Variants in MAGI2 observed in about 807,000 individuals in gnomAD.
The protein encoded by MAGI2 is membrane-associated guanylate kinase, WW and PDZ domain-containing protein 2.
A neutral mutation model predicts 133.3 loss-of-function variants in MAGI2; 35 were observed. The ratio of observed to expected loss-of-function variants is 0.26; its 90% confidence interval spans 0.20 to 0.35. MAGI2 has a LOEUF of 0.35. MAGI2 is among the 10% of genes least tolerant of loss of function. The pLI, the probability that MAGI2 is intolerant of heterozygous loss-of-function variation, is 1.00. For missense variants in MAGI2, 1,636 were observed against 1,863.4 expected (o/e 0.88, Z 2.25); for synonymous variants, 729 against 710.6 (o/e 1.03, Z -0.41).
At chr7:78,065,421 T>C (rs1339800449) in intron 21 of MAGI2, among the ~76,000 whole-genome samples, 2 of 152,182 alleles carry the variant, frequency 1.3e-5, no homozygotes, top group Non-Finnish European at 2.9e-5. Flanking sequence ...CTTATCCTTA[T>C]CACTTATAAG....
At chr7:79,311,189 C>T (rs1838263374) in intron 1 of MAGI2, among the ~76,000 whole-genome samples, 2 of 152,030 alleles carry the variant, frequency 1.3e-5, no homozygotes, top group South Asian at 4.1e-4. Context: ...ATTCTGAGTT[C>T]CCATCTCACA....
At chr7:78,602,253 G>A (rs570933634) in intron 3 of MAGI2, among the ~76,000 whole-genome samples, 2 of 152,056 alleles carry the variant, frequency 1.3e-5, no homozygotes, top group South Asian at 2.1e-4. Flanking sequence ...GCTGCCTCCC[G>A]GGTTCAAGCG....
chr7:79,449,348 T>C lies in MAGI2; in HGVS notation c.301+3672A>G, dbSNP rs546558670. Among the ~76,000 whole-genome samples, 5 of 117,498 alleles carry C rather than the reference T, an allele frequency of 4.3e-5. No homozygotes were observed. The South Asian group carries it at 1.3e-3, about 31-fold the overall frequency. The allele number at this position is 117,498 out of a possible 152,430, so 77.1% of individuals were successfully genotyped here. On this transcript the variant is annotated intron_variant, in intron 1 of 21. Coordinates refer to ENST00000354212, the MANE Select transcript of MAGI2 (RefSeq NM_012301.4). Reference sequence around the variant, plus strand: ...TGGCCCATCTTCCACATGGGAAGAATTAGAATTTTTTTTTTTTTTTGCCTT... The same window carrying C: ...TGGCCCATCTTCCACATGGGAAGAACTAGAATTTTTTTTTTTTTTTGCCTT...
intron 6 of MAGI2, chr7:78,485,364 G>C (rs966480734): frequency 5.9e-5 from 9 of 151,982 alleles, no homozygotes; most frequent in African/African-American, 2.2e-4. Flanking sequence ...CAAATGCACA[G>C]AACATAATGA....
At chr7:79,281,567 A>T (rs1362690017) in intron 1 of MAGI2, among the ~76,000 whole-genome samples, 1 of 152,188 alleles carries the variant, frequency 6.6e-6, no homozygotes, top group East Asian at 1.9e-4. Context: ...AGTCTGCAAT[A>T]CTACAAAAAA....
At chr7:79,199,048 A>T (rs999542432) in intron 1 of MAGI2, among the ~76,000 whole-genome samples, 9 of 152,090 alleles carry the variant, frequency 5.9e-5, no homozygotes, top group Non-Finnish European at 1.5e-5. Context: ...AAAAAAAATT[A>T]AAATTGAAGT....
At chr7:78,104,047 C>A (rs189286484) in intron 20 of MAGI2, among the ~76,000 whole-genome samples, 2 of 152,286 alleles carry the variant, frequency 1.3e-5, no homozygotes, top group African/African-American at 2.4e-5. Context: ...TCTGGTGGGG[C>A]CTCTCTTGGG....
intron 1 of MAGI2, among the ~76,000 whole-genome samples, chr7:79,330,615 G>A (rs1417589008): frequency 6.6e-6 from 1 of 152,008 alleles, no homozygotes; most frequent in Non-Finnish European, 1.5e-5. Context: ...GTAGTTACAT[G>A]TATGGGTCTT....
intron 2 of MAGI2, among the ~76,000 whole-genome samples, chr7:78,970,931 C>G (rs1803735857): frequency 6.6e-6 from 1 of 152,040 alleles, no homozygotes; most frequent in East Asian, 1.9e-4. Context: ...GGAATGCTAA[C>G]TGTTTGACTT....
At chr7:78,131,926 T>G (rs1452729977) in intron 18 of MAGI2, among the ~76,000 whole-genome samples, 1 of 152,026 alleles carries the variant, frequency 6.6e-6, no homozygotes, top group Admixed American at 6.6e-5. Context: ...CAGGCTGGAG[T>G]GTAATGGGAA....
At chr7:79,109,578 T>C (rs1023423535) in intron 1 of MAGI2, among the ~76,000 whole-genome samples, 1 of 152,326 alleles carries the variant, frequency 6.6e-6, no homozygotes, top group Admixed American at 6.5e-5. Context: ...AGTTGGAATT[T>C]ATATTTAAAC....
intron 1 of MAGI2, among the ~76,000 whole-genome samples, chr7:79,441,601 C>A (rs747856150): frequency 4.0e-5 from 6 of 151,646 alleles, no homozygotes; most frequent in Non-Finnish European, 8.8e-5. Flanking sequence ...TTTGCACATT[C>A]ATATATAGTA....
chr7:78,457,534 A>G (rs368728501), intron 6 of MAGI2, among the ~76,000 whole-genome samples: 3 of 152,170 alleles, frequency 2.0e-5, no homozygotes, highest in East Asian at 3.9e-4. Context: ...GTAATATAAT[A>G]TATCTTAAAA....
intron 6 of MAGI2, among the ~76,000 whole-genome samples, chr7:78,392,891 C>T (rs1241714311): frequency 2.0e-5 from 3 of 152,106 alleles, no homozygotes; most frequent in Admixed American, 6.5e-5. Flanking sequence ...GATTCGCCAA[C>T]CTCAGGTGAT....
chr7:78,108,496 CT>C (rs1221816775), intron 20 of MAGI2, among the ~76,000 whole-genome samples: 1 of 152,184 alleles, frequency 6.6e-6, no homozygotes, highest in African/African-American at 2.4e-5. Context: ...TCCATTTGGT[CT>C]ATAGTACAGA....
chr7:78,495,887 A>C (rs1453736459), intron 5 of MAGI2, among the ~76,000 whole-genome samples: 1 of 152,112 alleles, frequency 6.6e-6, no homozygotes, highest in Non-Finnish European at 1.5e-5. Context: ...ACAAGAAAAA[A>C]AATATATGAA....
chr7:78,441,082 T>TC (rs542267346), intron 6 of MAGI2, among the ~76,000 whole-genome samples: 128 of 152,330 alleles, frequency 8.4e-4, no homozygotes, highest in African/African-American at 3.0e-3. Flanking sequence ...TTAGTCCTCC[T>TC]CCCCTTTGTA....
At chr7:78,527,784 T>G (rs1797105979) in intron 3 of MAGI2, among the ~76,000 whole-genome samples, 1 of 152,240 alleles carries the variant, frequency 6.6e-6, no homozygotes, top group South Asian at 2.1e-4. Flanking sequence ...TTTGGCTTTT[T>G]AAGTTGTAGA....
chr7:78,598,930 A>G (rs1364878822), intron 3 of MAGI2, among the ~76,000 whole-genome samples: 1 of 152,136 alleles, frequency 6.6e-6, no homozygotes, highest in East Asian at 1.9e-4. Flanking sequence ...TTGAATGCTT[A>G]TGGGACATCA....
Sources: allele counts gnomAD v4.1 joint callset (sites outside exome capture counted in the v4.1 genomes callset), GRCh38; gene constraint gnomAD v4.1.1; transcripts MANE v1.5; gene names NCBI Gene and HGNC (gene_info 2026-07-23, HGNC 2026-07-21).